Variants in KATNB1 observed in about 807,000 individuals in gnomAD.
KATNB1 encodes katanin regulatory subunit B1.
Under a neutral mutation model 82.3 loss-of-function variants are expected in KATNB1, and 38 were observed. That is an observed-to-expected ratio of 0.46 (90% confidence interval 0.36 to 0.61). The LOEUF (loss-of-function observed/expected upper bound fraction) is 0.61. Among genes scored for constraint, KATNB1 ranks in the 20% least tolerant of loss-of-function variants. The pLI is 0.00. For synonymous variants in KATNB1, 361 were observed against 368.7 expected (o/e 0.98, Z 0.24); for missense variants, 749 against 915.7 (o/e 0.82, Z 2.35).
chr16:57,746,316 G>T (rs1289344468), intron 4 of KATNB1, among the ~76,000 whole-genome samples: 1 of 152,134 alleles, frequency 6.6e-6, no homozygotes, highest in African/African-American at 2.4e-5. Context: ...CTTCACAGGG[G>T]ACTGGCTTCA....
At chr16:57,740,431 G>T (rs1469669391) in intron 2 of KATNB1, among the ~76,000 whole-genome samples, 1 of 152,232 alleles carries the variant, frequency 6.6e-6, no homozygotes, top group Non-Finnish European at 1.5e-5. Flanking sequence ...TCTGAAGCCC[G>T]CAGCAGAGAC....
In KATNB1 at chr16:57,751,156, C is replaced by G. The variant is rs112626999; in HGVS notation, c.391-105C>G. ...CCTTGTCTCCGTGGGGAGTAACGAC[C>G]TAGAGAAGGCTGGGCCCCACCGTCT... On this transcript the variant is annotated intron_variant, in intron 5 of 19. Coordinates refer to ENST00000379661, the MANE Select transcript of KATNB1 (RefSeq NM_005886.3). The surrounding 1 kb of genome is among the most constrained non-coding windows in gnomAD (Gnocchi z 6.3). 14 of 1,117,362 alleles carry G rather than the reference C, an allele frequency of 1.3e-5. No individual in the cohort carries two copies. Among genetic ancestry groups the G allele is most frequent in the Middle Eastern group, 4.0e-4 (2 of 5,040 alleles). The allele number at this position is 1,117,362 out of a possible 1,614,324, so 69.2% of individuals were successfully genotyped here. A position where few individuals can be genotyped will look rare whatever the true frequency, so the allele number is the denominator to read the frequency against.
rs782353858 is a variant in KATNB1, at chr16:57,753,138, C to T, written c.917C>T (p.Thr306Ile). 1 of 1,611,586 alleles carries T rather than the reference C, an allele frequency of 6.2e-7. No individual in the cohort carries two copies. Reference protein sequence around the residue: ...SSYVVDLTRVTRTGTVARDPV... With the variant: ...SSYVVDLTRVIRTGTVARDPV... ...TACGTGGTGGATCTGACGCGTGTCA[C>T]CAGGACTGGCACGGTGGCCCGGGAC... The change falls in exon 11 of 20, where the codon ACC (threonine) becomes ATC (isoleucine). Residue 306 changes from threonine to isoleucine, a missense_variant. Physicochemically the swap from Thr to Ile is moderately conservative, Grantham distance 89. Around this residue, in one of 3 missense-constraint regions of KATNB1, gnomAD observed 407 missense variants for 434.7 expected, o/e 0.94. Transcript: ENST00000379661.
At chr16:57,749,479 C>T (rs1555582442) in intron 4 of KATNB1, among the ~76,000 whole-genome samples, 1 of 152,158 alleles carries the variant, frequency 6.6e-6, no homozygotes, top group African/African-American at 2.4e-5. Flanking sequence ...CTTGACTCTG[C>T]AGTAAAGTGT....
Position 57,750,832 on chromosome 16 carries a change from C to T in KATNB1, c.295C>T (p.Arg99Cys), listed in dbSNP as rs1193098634. 5 of 1,613,790 alleles carry T rather than the reference C, an allele frequency of 3.1e-6. No homozygotes were observed. Among genetic ancestry groups the T allele is most frequent in the South Asian group, 2.2e-5 (2 of 91,082 alleles). ...VWDLEAAKIL[R>C]TLMGHKANIC... ...TCTGCTTTCCTTCTTGTTAGTTCTT[C>T]GCACACTCATGGGACACAAAGCCAA... is the stretch of plus-strand genomic sequence containing the variant. The change falls in exon 5 of 20, where the codon CGC (arginine) becomes TGC (cysteine). Residue 99 changes from arginine (R) to cysteine (C), a missense_variant. Coordinates refer to ENST00000379661, the MANE Select transcript of KATNB1 (RefSeq NM_005886.3).
chr16:57,747,147 G>T (rs1555581635), intron 4 of KATNB1, among the ~76,000 whole-genome samples: 1 of 152,192 alleles, frequency 6.6e-6, no homozygotes, highest in African/African-American at 2.4e-5. Flanking sequence ...CTCCCAAAGT[G>T]CTGGGATTAC....
At chr16:57,745,636 T>C (rs909118925) in intron 4 of KATNB1, among the ~76,000 whole-genome samples, 2 of 152,030 alleles carry the variant, frequency 1.3e-5, no homozygotes, top group Non-Finnish European at 2.9e-5. Context: ...AGCTCTCTCA[T>C]GGCACCACTC....
rs375862120 is a variant in KATNB1, at chr16:57,753,237, G to A, written c.1016G>A (p.Arg339Gln). Residue 339 changes from arginine to glutamine, a missense_variant, in exon 11 of 20, where the codon CGG becomes CAG. Coordinates refer to ENST00000379661, the MANE Select transcript of KATNB1 (RefSeq NM_005886.3). ...GCCCCCCTCCGGCGCATCTATGAGC[G>A]GCCCAGCACAACCTGCAGCAAGCCT... is the stretch of plus-strand genomic sequence containing the variant. Reference protein sequence around the residue: ...PSAPLRRIYERPSTTCSKPQR... With the variant: ...PSAPLRRIYEQPSTTCSKPQR... The A allele has an allele frequency of 6.9e-6, 11 of 1,602,380 alleles. No homozygotes were observed. Among genetic ancestry groups the A allele is most frequent in the Middle Eastern group, 1.6e-4 (1 of 6,066 alleles).
Position 57,757,115 on chromosome 16 carries a change from A to C in KATNB1, c.*169A>C. On this transcript the variant is annotated 3_prime_UTR_variant, in exon 20 of 20. Coordinates refer to ENST00000379661, the MANE Select transcript of KATNB1 (RefSeq NM_005886.3). ...TCCCTGGCCACCTCTACAGCCCTGA[A>C]CTCTTGAGACAACTCTCTCCAGCAA... is the stretch of plus-strand genomic sequence containing the variant. 3.2e-6 allele frequency: 2 copies of C among 617,386 alleles called. No homozygotes were observed. The highest frequency in any genetic ancestry group is 4.8e-6 in the Non-Finnish European group (2 of 413,906). The allele number at this position is 617,386 out of a possible 1,614,324, so 38.2% of individuals were successfully genotyped here.
chr16:57,754,187 C>G (rs1176366665), intron 13 of KATNB1, among the ~76,000 whole-genome samples, 192 bp downstream of exon 13: 1 of 152,130 alleles, frequency 6.6e-6, no homozygotes, highest in Non-Finnish European at 1.5e-5. Flanking sequence ...ATAGTGCCCC[C>G]GTAGGAGCCT....
Position 57,757,170 on chromosome 16 carries a change from T to C in KATNB1, c.*224T>C. 2.4e-6 allele frequency: 1 copy of C among 419,002 alleles called. No individual in the cohort carries two copies. The highest frequency in any genetic ancestry group is 4.1e-6 in the Non-Finnish European group (1 of 244,920). The allele number at this position is 419,002 out of a possible 1,614,324, so 26.0% of individuals were successfully genotyped here. ...TGCCCAGCTTTGCCCAACTGTTGCT[T>C]CTTGGGGCAGCGAACTGAGCCCTGG... On this transcript the variant is annotated 3_prime_UTR_variant, in exon 20 of 20. Transcript: ENST00000379661.
At chr16:57,755,627 C>T (rs1278252898) in intron 16 of KATNB1, 133 bp downstream of exon 16, 2 of 1,199,044 alleles carry the variant, frequency 1.7e-6, no homozygotes, top group Middle Eastern at 2.9e-4. Context: ...TGACGTCACA[C>T]CATCTGTTTC....
rs2148794389 is a variant in KATNB1, at chr16:57,751,581, C to T, written c.433-60C>T. 1 of 1,463,818 alleles carries T rather than the reference C, an allele frequency of 6.8e-7. No individual in the cohort carries two copies. The highest frequency in any genetic ancestry group is 9.5e-7 in the Non-Finnish European group (1 of 1,051,268). The allele number at this position is 1,463,818 out of a possible 1,614,324, so 90.7% of individuals were successfully genotyped here. A position where few individuals can be genotyped will look rare whatever the true frequency, so the allele number is the denominator to read the frequency against. On this transcript the variant is annotated intron_variant, in intron 6 of 19. Coordinates refer to ENST00000379661, the MANE Select transcript of KATNB1 (RefSeq NM_005886.3). This position sits in a 1 kb window ranked among gnomAD's most constrained non-coding sequence, Gnocchi z 6.3. ...AAGGGGTCCCATAGGAGTGAGGAGG[C>T]AGGGAGAGGTCTGTTGGGCCCAGGA...
intron 2 of KATNB1, among the ~76,000 whole-genome samples, chr16:57,741,315 A>G (rs763250373): frequency 5.1e-4 from 77 of 152,374 alleles, no homozygotes; most frequent in Non-Finnish European, 1.0e-3. Context: ...TATCATGAGT[A>G]TATCAAACTT....
chr16:57,755,773 C>T (rs747194292), intron 16 of KATNB1, 68 bp from the exon 17 acceptor site: 1 of 1,446,142 alleles, frequency 6.9e-7, no homozygotes, highest in South Asian at 1.3e-5. Context: ...TTCGTACCCC[C>T]ACCCTCACCC....
intron 2 of KATNB1, among the ~76,000 whole-genome samples, chr16:57,739,339 G>A (rs1365679873): frequency 6.6e-6 from 1 of 152,164 alleles, no homozygotes; most frequent in Non-Finnish European, 1.5e-5. Context: ...GAGGATCAGA[G>A]GTGCGTGGCC....
intron 4 of KATNB1, among the ~76,000 whole-genome samples, chr16:57,748,001 A>G (rs940143096): frequency 2.0e-5 from 3 of 152,184 alleles, no homozygotes; most frequent in African/African-American, 4.8e-5. Context: ...AACCCGATTC[A>G]GTACTGGGGT....
intron 19 of KATNB1, 128 bp downstream of exon 19, chr16:57,756,600 C>T: frequency 8.5e-7 from 1 of 1,174,048 alleles, no homozygotes; most frequent in South Asian, 1.5e-5. Flanking sequence ...TGGTCTGGGG[C>T]CATGGCTCAG....
At chr16:57,745,724 C>T (rs949462759) in intron 4 of KATNB1, among the ~76,000 whole-genome samples, 6 of 152,062 alleles carry the variant, frequency 3.9e-5, no homozygotes, top group South Asian at 4.1e-4. Flanking sequence ...AATGTAAGGA[C>T]GCATAAGTGT....
Sources: allele counts gnomAD v4.1 joint callset (sites outside exome capture counted in the v4.1 genomes callset), GRCh38; gene constraint gnomAD v4.1.1; regional missense constraint gnomAD v4.1.1; non-coding constraint Gnocchi (gnomAD v3.1); transcripts MANE v1.5; gene names NCBI Gene and HGNC (gene_info 2026-07-23, HGNC 2026-07-21).